Variants in MARCHF11 observed in about 807,000 individuals in gnomAD.
MARCHF11 encodes the protein membrane associated ring-CH-type finger 11, also known as E3 ubiquitin-protein ligase MARCHF11.
Under a neutral mutation model 37.3 loss-of-function variants are expected in MARCHF11, and 29 were observed. That is an observed-to-expected ratio of 0.78 (90% confidence interval 0.58 to 1.06). The LOEUF (loss-of-function observed/expected upper bound fraction) is 1.06, where lower values mean the gene tolerates loss of function less well. Among genes scored for constraint, MARCHF11 ranks in the 50% least tolerant of loss-of-function variants. The pLI is 0.00. For missense variants in MARCHF11, 482 were observed against 533.4 expected, an observed-to-expected ratio of 0.90 and a Z score of 0.95; for synonymous variants, 233 against 228.0, an observed-to-expected ratio of 1.02 and a Z score of -0.20.
chr5:16,102,606 C>T (rs1420858535), intron 2 of MARCHF11, among the ~76,000 whole-genome samples: 1 of 152,188 alleles, frequency 6.6e-6, no homozygotes, highest in Non-Finnish European at 1.5e-5. Flanking sequence ...GGGAAGACTG[C>T]CTTCCCACTC....
chr5:16,093,308 G>A (rs1277644533), intron 2 of MARCHF11, among the ~76,000 whole-genome samples: 1 of 152,104 alleles, frequency 6.6e-6, no homozygotes, highest in Admixed American at 6.6e-5. Flanking sequence ...GTAATCTTAG[G>A]GGAGTAAATT....
intron 3 of MARCHF11, among the ~76,000 whole-genome samples, chr5:16,078,532 C>T (rs1736557149): frequency 6.6e-6 from 1 of 152,146 alleles, no homozygotes; most frequent in African/African-American, 2.4e-5. Flanking sequence ...CCCACGGTTC[C>T]ACATCCTCAG....
chr5:16,137,350 G>A (rs1737626146), intron 2 of MARCHF11, among the ~76,000 whole-genome samples: 1 of 152,178 alleles, frequency 6.6e-6, no homozygotes, highest in Non-Finnish European at 1.5e-5. Context: ...TTTATAAAGG[G>A]CAGTTCCACT....
chr5:16,081,790 T>G (rs545019450), intron 3 of MARCHF11, among the ~76,000 whole-genome samples: 40 of 152,216 alleles, frequency 2.6e-4, no homozygotes, highest in Non-Finnish European at 5.0e-4. Flanking sequence ...ACTTGAATTT[T>G]ACAGAGTCAA....
chr5:16,104,505 TG>T (rs932820537), intron 2 of MARCHF11, among the ~76,000 whole-genome samples: 5 of 152,212 alleles, frequency 3.3e-5, no homozygotes, highest in African/African-American at 1.2e-4. Flanking sequence ...TTTAAGGCCC[TG>T]GAAGAAAAGT....
intron 3 of MARCHF11, among the ~76,000 whole-genome samples, chr5:16,076,521 T>C (rs1434379264): frequency 2.6e-5 from 4 of 152,240 alleles, no homozygotes; most frequent in African/African-American, 9.6e-5. Context: ...TTTAGTTGAA[T>C]GAAGTTTCAG....
intron 3 of MARCHF11, among the ~76,000 whole-genome samples, chr5:16,080,764 C>A (rs138977916): frequency 1.3e-5 from 2 of 152,236 alleles, no homozygotes; most frequent in Non-Finnish European, 2.9e-5. Context: ...AGTCTTAATG[C>A]AGGCCTAATC....
At chr5:16,169,654 G>A (rs1028513809) in intron 2 of MARCHF11, among the ~76,000 whole-genome samples, 1 of 152,092 alleles carries the variant, frequency 6.6e-6, no homozygotes, top group African/African-American at 2.4e-5. Context: ...TAAATCATGT[G>A]GAACAGCTTT....
chr5:16,103,909 C>A (rs938065900), intron 2 of MARCHF11, among the ~76,000 whole-genome samples: 3 of 152,042 alleles, frequency 2.0e-5, no homozygotes, highest in Admixed American at 6.5e-5. Flanking sequence ...AAGCGAAGTT[C>A]TCATGGAAGT....
At chr5:16,116,639 TAA>T (rs1193269117) in intron 2 of MARCHF11, among the ~76,000 whole-genome samples, 1 of 146,148 alleles carries the variant, frequency 6.8e-6, no homozygotes, top group Admixed American at 6.8e-5. Context: ...CTACTGGGAT[TAA>T]AAAAAAAAAG....
At chr5:16,158,431 T>C (rs777510417) in intron 2 of MARCHF11, among the ~76,000 whole-genome samples, 16 of 151,962 alleles carry the variant, frequency 1.1e-4, no homozygotes, top group Non-Finnish European at 2.1e-4. Flanking sequence ...TGGAATACTA[T>C]TCATTTGCAA....
chr5:16,171,268 A>C (rs182893366), intron 2 of MARCHF11, among the ~76,000 whole-genome samples: 2 of 76,636 alleles, frequency 2.6e-5, no homozygotes, highest in African/African-American at 5.2e-5. Flanking sequence ...CCCCAACCCC[A>C]TGGAGCTAAG....
intron 2 of MARCHF11, among the ~76,000 whole-genome samples, chr5:16,131,747 A>G (rs553682005): frequency 8.5e-5 from 13 of 152,360 alleles, no homozygotes; most frequent in African/African-American, 2.9e-4. Context: ...TTGCCATTTC[A>G]TGATGGACAG....
intron 2 of MARCHF11, among the ~76,000 whole-genome samples, chr5:16,125,839 A>G (rs1394330008): frequency 6.6e-6 from 1 of 152,204 alleles, no homozygotes; most frequent in East Asian, 1.9e-4. Context: ...GGTTAACTTG[A>G]CACACACCAG....
At chr5:16,085,808 T>C (rs747612877) in intron 3 of MARCHF11, among the ~76,000 whole-genome samples, 8 of 151,394 alleles carry the variant, frequency 5.3e-5, no homozygotes, top group East Asian at 2.0e-4. Context: ...AAAAATTAGG[T>C]GGGCGCCTGT....
At chr5:16,158,069 TA>T (rs967645368) in intron 2 of MARCHF11, among the ~76,000 whole-genome samples, 1 of 151,800 alleles carries the variant, frequency 6.6e-6, no homozygotes, top group African/African-American at 2.4e-5. Flanking sequence ...AACAGGCATA[TA>T]AAAAATGCCC....
At position 16,149,830 on chromosome 5, in the gene MARCHF11, T is replaced by G. The variant is rs554175949; in HGVS notation, c.693+27896A>C. Among the ~76,000 whole-genome samples, 6 of 152,130 alleles carry G rather than the reference T, an allele frequency of 3.9e-5. No individual in the cohort carries two copies. In the East Asian group the frequency reaches 1.2e-3, roughly 30 times the overall value. On this transcript the variant is annotated intron_variant, in intron 2 of 3. Coordinates refer to ENST00000332432, the MANE Select transcript of MARCHF11 (RefSeq NM_001102562.3). ...TGGACCTGCACCCGTGGTACATCCA[T>G]ACAATGGAATACTACACAGCAATAA...
intron 3 of MARCHF11, among the ~76,000 whole-genome samples, chr5:16,074,256 G>A (rs758308477): frequency 6.6e-6 from 1 of 152,278 alleles, no homozygotes; most frequent in Non-Finnish European, 1.5e-5. Flanking sequence ...CCTAAGTGGT[G>A]CCAAGAGGAA....
intron 3 of MARCHF11, among the ~76,000 whole-genome samples, chr5:16,075,733 T>C (rs1414278635): frequency 1.3e-5 from 2 of 152,158 alleles, no homozygotes; most frequent in Admixed American, 6.5e-5. Context: ...TATTTGCAGA[T>C]GCCAAAGAAA....
Sources: gnomAD v4.1 joint callset for allele counts (sites outside exome capture counted in the v4.1 genomes callset) on GRCh38, gnomAD v4.1.1 for gene constraint, MANE v1.5 for transcripts, NCBI Gene and HGNC (gene_info 2026-07-23, HGNC 2026-07-21) for gene names.